Variants in ADAM22 observed in about 807,000 individuals in gnomAD.
ADAM22 encodes disintegrin and metalloproteinase domain-containing protein 22.
ADAM22 carries 65 observed loss-of-function variants against 144.6 expected under a neutral mutation model. The observed-to-expected ratio is 0.45, with a 90% CI of 0.37 to 0.55. The LOEUF is 0.55. ADAM22 is among the 20% of genes least tolerant of loss of function. ADAM22 has a pLI of 0.00. For missense variants in ADAM22, 974 were observed against 1,184.9 expected (o/e 0.82, Z 2.61); for synonymous variants, 391 against 412.6 (o/e 0.95, Z 0.63).
chr7:88,061,425 A>C (rs1809828786), intron 3 of ADAM22, among the ~76,000 whole-genome samples: 1 of 152,154 alleles, frequency 6.6e-6, no homozygotes, highest in Admixed American at 6.5e-5. Flanking sequence ...GCCTTACAAA[A>C]TGTATTTTTT....
chr7:88,163,464 C>T (rs1842240984), intron 23 of ADAM22, among the ~76,000 whole-genome samples: 2 of 151,862 alleles, frequency 1.3e-5, no homozygotes, highest in Admixed American at 1.3e-4. Flanking sequence ...TACAAGTGAA[C>T]TAGGAGATAA....
At position 88,179,153 on chromosome 7, in the gene ADAM22, C is replaced by T. The variant is rs766179214; in HGVS notation, c.2495+24C>T. The T allele has an allele frequency of 1.7e-5, 15 of 861,574 alleles. No individual in the cohort carries two copies. In the Admixed American group the frequency reaches 2.1e-4, roughly 12 times the overall value. 53.4% of individuals were successfully genotyped at this position (861,574 alleles called of 1,614,324 possible). On this transcript the variant is annotated intron_variant, in intron 27 of 31. Coordinates refer to ENST00000413139, the MANE Select transcript of ADAM22 (RefSeq NM_001324418.2). Reference sequence around the variant, plus strand: ...AGGTTTGATTACTTCTTCCTTCTTTCTTGAATGTTAAAAAATAGTATCCTT... The same window carrying T: ...AGGTTTGATTACTTCTTCCTTCTTTTTTGAATGTTAAAAAATAGTATCCTT...
intron 31 of ADAM22, 119 bp from the exon 32 acceptor site, chr7:88,196,352 G>T: frequency 8.6e-7 from 1 of 1,159,708 alleles, no homozygotes; most frequent in African/African-American, 1.5e-5. Flanking sequence ...CTTTGCAAGA[G>T]TGTGCATCCA....
intron 4 of ADAM22, among the ~76,000 whole-genome samples, chr7:88,095,047 C>A (rs1820885748): frequency 6.6e-6 from 1 of 152,156 alleles, no homozygotes; most frequent in African/African-American, 2.4e-5. Flanking sequence ...GGGAAATACT[C>A]CATAAATATT....
chr7:88,001,624 G>A (rs1011660997), intron 3 of ADAM22, among the ~76,000 whole-genome samples: 1 of 151,950 alleles, frequency 6.6e-6, no homozygotes, highest in Non-Finnish European at 1.5e-5. Flanking sequence ...TCTGGGGAGT[G>A]TGCTTATTCC....
intron 3 of ADAM22, among the ~76,000 whole-genome samples, chr7:88,060,878 C>T (rs1244103382): frequency 4.0e-5 from 6 of 151,662 alleles, no homozygotes; most frequent in East Asian, 3.9e-4. Flanking sequence ...CTGAGGAGGG[C>T]GAATCACTTG....
chr7:88,172,583 T>C (rs1586473779), intron 26 of ADAM22, among the ~76,000 whole-genome samples: 1 of 152,078 alleles, frequency 6.6e-6, no homozygotes, highest in Middle Eastern at 3.4e-3. Context: ...TAAACTTTAC[T>C]CTTTTTTAAA....
chr7:88,046,238 T>A (rs912381947), intron 3 of ADAM22, among the ~76,000 whole-genome samples: 17 of 152,040 alleles, frequency 1.1e-4, no homozygotes, highest in Non-Finnish European at 1.9e-4. Context: ...GCTATCTTTT[T>A]GTTATTTTTT....
At position 87,979,926 on chromosome 7, in the gene ADAM22, G is replaced by A. The variant is rs938152925; in HGVS notation, c.323+1514G>A. 2.6e-5 allele frequency among the ~76,000 whole-genome samples: 4 copies of A among 152,116 alleles called. No individual in the cohort carries two copies. In the East Asian group the frequency reaches 7.7e-4, roughly 29 times the overall value. On this transcript the variant is annotated intron_variant, in intron 3 of 31. Coordinates refer to ENST00000413139, the MANE Select transcript of ADAM22 (RefSeq NM_001324418.2). ...CCTTCCATCCCTCTTTGAAATCATT[G>A]CCCCTGTTGGTAATCTGTGTTTTCT...
At chr7:88,087,410 G>GCCAAGCTTGTTT (rs1322685727) in intron 4 of ADAM22, among the ~76,000 whole-genome samples, 1 of 152,094 alleles carries the variant, frequency 6.6e-6, no homozygotes, top group African/African-American at 2.4e-5. Context: ...GGCAAGAATG[G>GCCAAGCTTGTTT]TAAAAGACAC....
intron 3 of ADAM22, among the ~76,000 whole-genome samples, chr7:88,013,390 T>C (rs1490514942): frequency 6.6e-6 from 1 of 152,200 alleles, no homozygotes; most frequent in African/African-American, 2.4e-5. Flanking sequence ...GAAAACTTTA[T>C]ATTTTCAATA....
At chr7:88,093,315 G>T (rs1339628988) in intron 4 of ADAM22, among the ~76,000 whole-genome samples, 2 of 151,688 alleles carry the variant, frequency 1.3e-5, no homozygotes, top group Non-Finnish European at 2.9e-5. Flanking sequence ...TATTCCCTTG[G>T]TGTTGTCATA....
At position 88,048,687 on chromosome 7, in the gene ADAM22, G is replaced by T. The variant is rs150550165; in HGVS notation, c.324-26939G>T. 3.5e-3 allele frequency among the ~76,000 whole-genome samples: 534 copies of T among 152,000 alleles called. 1 individual carries two copies. Among genetic ancestry groups the T allele is most frequent in the Non-Finnish European group, 6.0e-3 (410 of 67,944 alleles). On this transcript the variant is annotated intron_variant, in intron 3 of 31. Transcript: ENST00000413139. ...TTTCTTATTAATTTATACATTAATAGTATCAACTATTTTTTATATACAGGG... is the reference window on the plus strand; with the variant it reads ...TTTCTTATTAATTTATACATTAATATTATCAACTATTTTTTATATACAGGG...
chr7:87,978,532 T>G, intron 3 of ADAM22, 120 bp downstream of exon 3: 2 of 698,254 alleles, frequency 2.9e-6, no homozygotes, highest in South Asian at 4.0e-5. Flanking sequence ...AAATACTACA[T>G]TTTAAACTAT....
intron 21 of ADAM22, 115 bp from the exon 22 acceptor site, chr7:88,155,772 G>A (rs752173636): frequency 3.7e-4 from 456 of 1,216,592 alleles, no homozygotes; most frequent in Non-Finnish European, 4.9e-4. Flanking sequence ...CTTGGCATAT[G>A]AGTAGATAAT....
At chr7:88,184,012 C>G (rs1409418288) in intron 29 of ADAM22, among the ~76,000 whole-genome samples, 3 of 151,944 alleles carry the variant, frequency 2.0e-5, no homozygotes, top group African/African-American at 7.2e-5. Context: ...AGCAGAATTA[C>G]CACAGACAAA....
intron 26 of ADAM22, among the ~76,000 whole-genome samples, chr7:88,174,200 A>G (rs1845056809): frequency 6.6e-6 from 1 of 152,154 alleles, no homozygotes; most frequent in Non-Finnish European, 1.5e-5. Context: ...GGTTTTCAGT[A>G]TAGAGAAGGA....
intron 3 of ADAM22, among the ~76,000 whole-genome samples, chr7:88,057,407 G>A (rs1808577497): frequency 1.3e-5 from 2 of 152,148 alleles, no homozygotes; most frequent in African/African-American, 4.8e-5. Flanking sequence ...ATATGGTTAG[G>A]AATTAAGGAA....
chr7:87,999,635 A>G (rs1044417216), intron 3 of ADAM22, among the ~76,000 whole-genome samples: 4 of 152,210 alleles, frequency 2.6e-5, no homozygotes, highest in African/African-American at 9.6e-5. Context: ...TATTTACAAC[A>G]TTTTAAAACT....
Sources: gnomAD v4.1 joint callset for allele counts (sites outside exome capture counted in the v4.1 genomes callset) on GRCh38, gnomAD v4.1.1 for gene constraint, MANE v1.5 for transcripts, NCBI Gene and HGNC (gene_info 2026-07-23, HGNC 2026-07-21) for gene names.